Variants in UTRN observed in about 807,000 individuals in gnomAD.
The protein encoded by UTRN is dystrophin-related protein 1.
Under a neutral mutation model 463.9 loss-of-function variants are expected in UTRN, and 283 were observed. The ratio of observed to expected loss-of-function variants is 0.61; its 90% CI spans 0.55 to 0.67. UTRN has a LOEUF of 0.67. UTRN is among the 30% of genes least tolerant of loss of function. The pLI is 0.00. For synonymous variants in UTRN, 1,442 were observed against 1,431.5 expected, an observed-to-expected ratio of 1.01 and a Z score of -0.17; for missense variants, 3,922 against 4,084.3, an observed-to-expected ratio of 0.96 and a Z score of 1.08.
At chr6:144,772,410 T>G (rs1266108210) in intron 59 of UTRN, among the ~76,000 whole-genome samples, 1 of 152,128 alleles carries the variant, frequency 6.6e-6, no homozygotes, top group Non-Finnish European at 1.5e-5. Context: ...TCATTGACAT[T>G]TAAAAGTAGT....
intron 45 of UTRN, among the ~76,000 whole-genome samples, chr6:144,542,313 G>C (rs986084922): frequency 2.0e-5 from 3 of 152,156 alleles, no homozygotes; most frequent in African/African-American, 7.2e-5. Context: ...TATGTTTTGG[G>C]CAGTCTTTAG....
At chr6:144,457,020 G>A (rs1788913240) in intron 19 of UTRN, among the ~76,000 whole-genome samples, 1 of 152,138 alleles carries the variant, frequency 6.6e-6, no homozygotes, top group African/African-American at 2.4e-5. Flanking sequence ...ATCTTCTGTT[G>A]ATTTTGCCTT....
chr6:144,406,105 T>G (rs1783368809), intron 3 of UTRN, among the ~76,000 whole-genome samples: 1 of 152,366 alleles, frequency 6.6e-6, no homozygotes, highest in African/African-American at 2.4e-5. Flanking sequence ...TCAGTTTTCA[T>G]TTTTCTTGTG....
chr6:144,836,165 G>C, intron 70 of UTRN, 136 bp from the exon 71 acceptor site: 1 of 1,464,432 alleles, frequency 6.8e-7, no homozygotes, highest in Non-Finnish European at 9.2e-7. Flanking sequence ...TTTTATTCCT[G>C]CATGCTCATC....
intron 52 of UTRN, among the ~76,000 whole-genome samples, chr6:144,681,703 A>G (rs549079656): frequency 3.3e-5 from 5 of 152,274 alleles, no homozygotes; most frequent in East Asian, 1.9e-4. Flanking sequence ...AGAGGAGGGA[A>G]GAATGCATTT....
intron 4 of UTRN, among the ~76,000 whole-genome samples, chr6:144,423,348 A>G (rs192577377): frequency 1.3e-5 from 2 of 152,274 alleles, no homozygotes; most frequent in Admixed American, 1.3e-4. Context: ...GGGAACTGGT[A>G]TCTTAAGATG....
intron 6 of UTRN, among the ~76,000 whole-genome samples, chr6:144,425,902 AG>A (rs1302808350): frequency 5.3e-5 from 8 of 152,222 alleles, no homozygotes; most frequent in Admixed American, 4.6e-4. Context: ...GTCACTCAAA[AG>A]TTTTTCCTTT....
intron 51 of UTRN, among the ~76,000 whole-genome samples, chr6:144,597,289 T>C (rs1803761241): frequency 6.6e-6 from 1 of 151,520 alleles, no homozygotes; most frequent in African/African-American, 2.4e-5. Flanking sequence ...ATTTATTGAG[T>C]CTGCAGCTTT....
chr6:144,365,355 A>G, intron 2 of UTRN, among the ~76,000 whole-genome samples: 1 of 152,198 alleles, frequency 6.6e-6, no homozygotes, highest in East Asian at 1.9e-4. Context: ...GGAAGGAATG[A>G]CTCAAGTACT....
chr6:144,558,679 T>G (rs9399479), intron 50 of UTRN, among the ~76,000 whole-genome samples: 1 of 151,648 alleles, frequency 6.6e-6, no homozygotes, highest in Admixed American at 6.6e-5. Flanking sequence ...CAAAGCAGGT[T>G]AGAGAATTTC....
chr6:144,358,492 C>T (rs557317326), intron 2 of UTRN, among the ~76,000 whole-genome samples: 7 of 152,292 alleles, frequency 4.6e-5, no homozygotes, highest in East Asian at 3.9e-4. Context: ...TTTAGCCTTA[C>T]GTGAAACAGT....
chr6:144,506,191 G>A (rs1382376169), intron 34 of UTRN, among the ~76,000 whole-genome samples: 2 of 151,770 alleles, frequency 1.3e-5, no homozygotes, highest in Non-Finnish European at 2.9e-5. Context: ...TACAGCACAC[G>A]GATGGGTCTT....
chr6:144,456,707 T>C (rs1254521251), intron 19 of UTRN, among the ~76,000 whole-genome samples: 2 of 148,578 alleles, frequency 1.3e-5, no homozygotes, highest in African/African-American at 5.0e-5. Flanking sequence ...AATAAAATAG[T>C]GTGTTTCATT....
intron 62 of UTRN, among the ~76,000 whole-genome samples, chr6:144,790,532 A>C (rs1288001616): frequency 6.6e-6 from 1 of 152,188 alleles, no homozygotes; most frequent in Non-Finnish European, 1.5e-5. Context: ...AGTGAAAAGA[A>C]ATGTGGATTT....
chr6:144,831,790 C>T (rs1277296870), intron 69 of UTRN, among the ~76,000 whole-genome samples: 1 of 152,182 alleles, frequency 6.6e-6, no homozygotes, highest in African/African-American at 2.4e-5. Flanking sequence ...ACTCCATCTG[C>T]CATCTGCCCT....
chr6:144,495,006 G>A lies in UTRN; in HGVS notation c.4593+1550G>A, dbSNP rs189978829. On this transcript the variant is annotated intron_variant, in intron 33 of 74. Transcript: ENST00000367545. ...AACCTTGAGCTAGATACAGAGTGCC[G>A]ATTGGTGTATTTACAATCCCTGAGC... Among the ~76,000 whole-genome samples, 158 of 152,076 alleles carry A rather than the reference G, an allele frequency of 1.0e-3. 2 individuals are homozygous for A. The highest frequency in any genetic ancestry group is 3.4e-3 in the Middle Eastern group (1 of 294).
At chr6:144,730,290 T>G in intron 53 of UTRN, 67 bp from the exon 54 acceptor site, 2 of 1,434,692 alleles carry the variant, frequency 1.4e-6, no homozygotes, top group Non-Finnish European at 1.8e-6. Context: ...GTGGTATAGT[T>G]GAAGATGTCC....
chr6:144,401,816 C>G (rs999287299), intron 2 of UTRN, among the ~76,000 whole-genome samples: 8 of 152,098 alleles, frequency 5.3e-5, no homozygotes. Context: ...AGCAGAGGTT[C>G]GTGAGCAGGT....
intron 4 of UTRN, among the ~76,000 whole-genome samples, 155 bp from the exon 5 acceptor site, chr6:144,423,394 G>C (rs372368524): frequency 6.6e-6 from 1 of 152,228 alleles, no homozygotes; most frequent in South Asian, 2.1e-4. Flanking sequence ...GTGAACACCA[G>C]CTTCCAGGGT....
Sources: gnomAD v4.1 joint callset for allele counts (sites outside exome capture counted in the v4.1 genomes callset) on GRCh38, gnomAD v4.1.1 for gene constraint, MANE v1.5 for transcripts, NCBI Gene and HGNC (gene_info 2026-07-23, HGNC 2026-07-21) for gene names.